RFX3: variants seen among roughly 807,000 people sequenced by gnomAD.
The protein encoded by RFX3 is transcription factor RFX3.
In RFX3, 14 loss-of-function variants were observed where a neutral mutation model predicts 98.6. The ratio of observed to expected loss-of-function variants is 0.14; its 90% confidence interval spans 0.09 to 0.22. The LOEUF is 0.22. Among genes scored for constraint, RFX3 ranks in the 10% least tolerant of loss-of-function variants. The pLI is 1.00. For synonymous variants in RFX3, 383 were observed against 328.4 expected (o/e 1.17, Z -1.80); for missense variants, 639 against 926.9 (o/e 0.69, Z 4.03).
chr9:3,329,690 C>T (rs947825593), intron 4 of RFX3, among the ~76,000 whole-genome samples: 2 of 152,028 alleles, frequency 1.3e-5, no homozygotes, highest in African/African-American at 4.8e-5. Flanking sequence ...AAAAATTACA[C>T]ACGATTTTCT....
At chr9:3,472,270 TAGTGTTAAAC>T (rs1848844229) in intron 1 of RFX3, among the ~76,000 whole-genome samples, 1 of 152,088 alleles carries the variant, frequency 6.6e-6, no homozygotes, top group Non-Finnish European at 1.5e-5. Flanking sequence ...GCTTGGGCTT[TAGTGTTAAAC>T]AGACCACAGC....
In RFX3 at chr9:3,455,886, G is replaced by C. The variant is rs575699272; in HGVS notation, c.-8-60290C>G. The stretch of plus-strand genomic sequence containing the variant: ...CAAGTACTTCGCTTCTATTAAAACA[G>C]TCTACACTTGTGTTTTAGTTTGTGC... On this transcript the variant is annotated intron_variant, in intron 1 of 16. Coordinates refer to ENST00000617270, the MANE Select transcript of RFX3 (RefSeq NM_001282116.2). Among the ~76,000 whole-genome samples, 13 of 152,268 alleles carry C rather than the reference G, an allele frequency of 8.5e-5. No homozygotes were observed. The South Asian group carries it at 2.1e-3, about 24-fold the overall frequency.
At chr9:3,322,725 T>C (rs899669646) in intron 4 of RFX3, among the ~76,000 whole-genome samples, 2 of 152,114 alleles carry the variant, frequency 1.3e-5, no homozygotes, top group Non-Finnish European at 2.9e-5. Context: ...AGAGTGAGAC[T>C]CCATCTCGAA....
chr9:3,231,098 A>C (rs1196706729), intron 15 of RFX3, among the ~76,000 whole-genome samples: 1 of 152,218 alleles, frequency 6.6e-6, no homozygotes, highest in Non-Finnish European at 1.5e-5. Flanking sequence ...TTACATACTA[A>C]ATTCCGAGGC....
intron 2 of RFX3, chr9:3,394,654 C>G (rs1840672226): frequency 5.8e-6 from 1 of 172,492 alleles, no homozygotes. Context: ...ATCCTTCTCC[C>G]TAACCACTTA....
At chr9:3,350,839 C>T (rs1179965460) in intron 2 of RFX3, among the ~76,000 whole-genome samples, 2 of 151,998 alleles carry the variant, frequency 1.3e-5, no homozygotes, top group Admixed American at 6.6e-5. Flanking sequence ...AGAAGGTAAT[C>T]TGAAAAGGTT....
At chr9:3,226,145 A>G (rs181462850) in intron 16 of RFX3, among the ~76,000 whole-genome samples, 1 of 152,300 alleles carries the variant, frequency 6.6e-6, no homozygotes, top group Admixed American at 6.5e-5. Flanking sequence ...ATACCTCTTC[A>G]TGAGGGATAA....
intron 1 of RFX3, among the ~76,000 whole-genome samples, chr9:3,502,087 TAA>T (rs750822802): frequency 7.9e-5 from 11 of 138,934 alleles, no homozygotes; most frequent in Admixed American, 1.4e-4. Context: ...CCGTCTCCAC[TAA>T]AAAAAAAAAA....
At position 3,344,816 on chromosome 9, in the gene RFX3, A is replaced by G. The variant is rs1464400533; in HGVS notation, c.215+1851T>C. ...GGCAGGCGTCTTTTTCATTTGGTAT[A>G]AATGCCAACAGTAGTTTAAGTTTAT... is the stretch of plus-strand genomic sequence containing the variant. On this transcript the variant is annotated intron_variant, in intron 3 of 16. Coordinates refer to ENST00000617270, the MANE Select transcript of RFX3 (RefSeq NM_001282116.2). 1.1e-4 allele frequency: 77 copies of G among 713,494 alleles called. 1 individual carries two copies. In the East Asian group the frequency reaches 2.0e-3, roughly 18 times the overall value. The allele number at this position is 713,494 out of a possible 1,614,324, so 44.2% of individuals were successfully genotyped here.
intron 1 of RFX3, among the ~76,000 whole-genome samples, chr9:3,479,796 AAAG>A (rs1181710639): frequency 1.3e-5 from 2 of 152,212 alleles, no homozygotes; most frequent in Admixed American, 6.6e-5. Context: ...AATCGACAGA[AAAG>A]AAGAATCAGA....
Position 3,370,686 on chromosome 9 carries a change from G to A in RFX3, c.118-23922C>T, listed in dbSNP as rs1229924796. Among the ~76,000 whole-genome samples, 8 of 152,122 alleles carry A rather than the reference G, an allele frequency of 5.3e-5. 1 individual carries two copies. In the South Asian group the frequency reaches 1.2e-3, roughly 24 times the overall value. The stretch of plus-strand genomic sequence containing the variant: ...TAAATTGATATCTGTGCACTTTACT[G>A]TAAATAAATTATAGCTCACTAAAGA... On this transcript the variant is annotated intron_variant, in intron 2 of 16. Transcript: ENST00000617270.
At chr9:3,378,385 TG>T (rs1443302068) in intron 2 of RFX3, among the ~76,000 whole-genome samples, 28 of 152,246 alleles carry the variant, frequency 1.8e-4, no homozygotes, top group South Asian at 6.2e-4. Flanking sequence ...TAATCCACCT[TG>T]CTGAAAATGG....
intron 1 of RFX3, among the ~76,000 whole-genome samples, chr9:3,508,265 C>A (rs930276514): frequency 1.3e-5 from 2 of 151,900 alleles, no homozygotes; most frequent in Non-Finnish European, 2.9e-5. Flanking sequence ...TCTGGTAACT[C>A]AATCTCTATA....
chr9:3,504,296 T>C (rs1208477457), intron 1 of RFX3, among the ~76,000 whole-genome samples: 1 of 135,680 alleles, frequency 7.4e-6, no homozygotes, highest in Non-Finnish European at 1.5e-5. Flanking sequence ...AAAATATATA[T>C]TATATACCAC....
Position 3,370,043 on chromosome 9 carries a change from G to A in RFX3, c.118-23279C>T, listed in dbSNP as rs375946361. On this transcript the variant is annotated intron_variant, in intron 2 of 16. Transcript: ENST00000617270. ...TTTTTAGTAGAGACGGGGTTTCCCCGTGTTAGCCAGGATGGTCTCGATCTC... is the reference window on the plus strand; with the variant it reads ...TTTTTAGTAGAGACGGGGTTTCCCCATGTTAGCCAGGATGGTCTCGATCTC... 1.3e-4 allele frequency among the ~76,000 whole-genome samples: 18 copies of A among 141,160 alleles called. No homozygotes were observed. In the East Asian group the frequency reaches 1.4e-3, roughly 11 times the overall value. 92.6% of individuals were successfully genotyped at this position (141,160 alleles called of 152,430 possible).
At position 3,381,392 on chromosome 9, in the gene RFX3, A is replaced by C. The variant is rs138735637; in HGVS notation, c.117+14080T>G. ...GCTTAGGTTTGTTCAAAGTAAAATTAATTTATTTAGTATCACTTTCCAAAA... is the reference window on the plus strand; with the variant it reads ...GCTTAGGTTTGTTCAAAGTAAAATTCATTTATTTAGTATCACTTTCCAAAA... On this transcript the variant is annotated intron_variant, in intron 2 of 16. Transcript: ENST00000617270. Among the ~76,000 whole-genome samples, 295 of 152,236 alleles carry C rather than the reference A, an allele frequency of 1.9e-3. 1 individual carries two copies. Among genetic ancestry groups the C allele is most frequent in the African/African-American group, 6.6e-3 (276 of 41,588 alleles).
intron 1 of RFX3, among the ~76,000 whole-genome samples, chr9:3,509,785 T>C (rs1817482086): frequency 6.8e-6 from 1 of 146,894 alleles, no homozygotes; most frequent in African/African-American, 2.6e-5. Context: ...GGCAGTACAT[T>C]TGAGTTCTTT....
At chr9:3,372,077 C>G (rs1448516944) in intron 2 of RFX3, among the ~76,000 whole-genome samples, 8 of 152,150 alleles carry the variant, frequency 5.3e-5, no homozygotes, top group African/African-American at 1.9e-4. Flanking sequence ...CTTCAGTGTA[C>G]ACCGGCCAAG....
chr9:3,349,583 C>T (rs186257406), intron 2 of RFX3, among the ~76,000 whole-genome samples: 31 of 152,106 alleles, frequency 2.0e-4, no homozygotes, highest in African/African-American at 4.8e-4. Context: ...CTTACTGCCC[C>T]CACACCCCCA....
Sources: allele counts gnomAD v4.1 joint callset (sites outside exome capture counted in the v4.1 genomes callset), GRCh38; gene constraint gnomAD v4.1.1; transcripts MANE v1.5; gene names NCBI Gene and HGNC (gene_info 2026-07-23, HGNC 2026-07-21).